The following CDC14B variants were observed in gnomAD, a reference collection of about 807,000 sequenced individuals.
CDC14B encodes the protein cell division cycle 14B.
In CDC14B, 22 loss-of-function variants were observed where a neutral mutation model predicts 64.2. That is an observed-to-expected ratio of 0.34 (90% CI 0.24 to 0.49). The LOEUF (loss-of-function observed/expected upper bound fraction) is 0.49, where lower values mean the gene tolerates loss of function less well. CDC14B is among the 20% of genes least tolerant of loss of function. The pLI is 0.99. For synonymous variants in CDC14B, 191 were observed against 215.8 expected (o/e 0.89, Z 1.01); for missense variants, 498 against 629.9 (o/e 0.79, Z 2.24).
At chr9:96,548,555 C>T (rs1174735755) in intron 5 of CDC14B, among the ~76,000 whole-genome samples, 1 of 151,924 alleles carries the variant, frequency 6.6e-6, no homozygotes, top group African/African-American at 2.4e-5. Context: ...AGTGGCTCAC[C>T]CCTGTAATCC....
chr9:96,536,977 C>T (rs1317226050), intron 7 of CDC14B, among the ~76,000 whole-genome samples: 1 of 152,136 alleles, frequency 6.6e-6, no homozygotes, highest in Non-Finnish European at 1.5e-5. Flanking sequence ...CTCTCCCTGG[C>T]CCTGTCCTAT....
intron 1 of CDC14B, chr9:96,566,909 C>T (rs548020631): frequency 6.5e-7 from 1 of 1,545,206 alleles, no homozygotes; most frequent in Non-Finnish European, 8.7e-7. Context: ...GTTTAAAAAA[C>T]AAAGTTTAAA....
At chr9:96,511,555 A>G (rs980158333) in intron 12 of CDC14B, among the ~76,000 whole-genome samples, 5 of 152,204 alleles carry the variant, frequency 3.3e-5, no homozygotes, top group South Asian at 2.1e-4. Flanking sequence ...TGGGCCAAAG[A>G]GCGAGACTCC....
chr9:96,608,651 T>C (rs1847119534), intron 1 of CDC14B, among the ~76,000 whole-genome samples: 1 of 152,190 alleles, frequency 6.6e-6, no homozygotes, highest in Non-Finnish European at 1.5e-5. Flanking sequence ...AATACTCAGC[T>C]TAAAGGTGCT....
At chr9:96,510,394 T>G (rs1226375972) in intron 12 of CDC14B, among the ~76,000 whole-genome samples, 2 of 152,138 alleles carry the variant, frequency 1.3e-5, no homozygotes, top group Admixed American at 1.3e-4. Context: ...AAAGCTTGCC[T>G]TAATTAAACT....
At chr9:96,607,084 A>T (rs540499448) in intron 1 of CDC14B, among the ~76,000 whole-genome samples, 5 of 136,186 alleles carry the variant, frequency 3.7e-5, no homozygotes, top group African/African-American at 6.8e-5. Context: ...AGCTTTGATT[A>T]AAAAAAACAA....
At chr9:96,524,093 A>T (rs1349231558) in intron 9 of CDC14B, among the ~76,000 whole-genome samples, 4 of 152,106 alleles carry the variant, frequency 2.6e-5, no homozygotes, top group African/African-American at 9.7e-5. Flanking sequence ...ATGTGCCACC[A>T]CAGCCGGCTA....
At chr9:96,506,038 G>A (rs1402402174) in intron 13 of CDC14B, among the ~76,000 whole-genome samples, 2 of 152,228 alleles carry the variant, frequency 1.3e-5, no homozygotes, top group Admixed American at 1.3e-4. Context: ...CGCAAAGCGA[G>A]TTTGGGTGGA....
chr9:96,590,473 G>C (rs1845717001), intron 1 of CDC14B, among the ~76,000 whole-genome samples: 1 of 152,132 alleles, frequency 6.6e-6, no homozygotes. Flanking sequence ...GTACCACTGG[G>C]CAATCCTGTT....
At chr9:96,576,101 C>T (rs1844786442) in intron 1 of CDC14B, among the ~76,000 whole-genome samples, 1 of 150,894 alleles carries the variant, frequency 6.6e-6, no homozygotes, top group African/African-American at 2.4e-5. Flanking sequence ...CATGGTGAAA[C>T]CTCGTCTAAA....
At chr9:96,616,248 C>G (rs1411755648) in intron 1 of CDC14B, among the ~76,000 whole-genome samples, 1 of 151,958 alleles carries the variant, frequency 6.6e-6, no homozygotes, top group Non-Finnish European at 1.5e-5. Context: ...ATTGCTTGAA[C>G]CCGGGAGGCA....
intron 1 of CDC14B, among the ~76,000 whole-genome samples, chr9:96,606,090 T>C (rs1480464734): frequency 1.3e-5 from 2 of 151,858 alleles, no homozygotes; most frequent in Non-Finnish European, 2.9e-5. Flanking sequence ...TCCCAGCACT[T>C]TGGGAGGCTC....
intron 8 of CDC14B, 96 bp downstream of exon 8, chr9:96,534,356 AATT>A: frequency 1.1e-6 from 1 of 886,266 alleles, no homozygotes; most frequent in Non-Finnish European, 1.8e-6. Context: ...CTTAAATAAT[AATT>A]AACACTTGGT....
At chr9:96,509,897 G>C in intron 12 of CDC14B, 108 bp from the exon 13 acceptor site, 1 of 679,076 alleles carries the variant, frequency 1.5e-6, no homozygotes, top group Non-Finnish European at 2.5e-6. Flanking sequence ...TGAGAATTGA[G>C]AGGATTTTCC....
At chr9:96,587,683 G>A (rs1292039535) in intron 1 of CDC14B, among the ~76,000 whole-genome samples, 1 of 152,190 alleles carries the variant, frequency 6.6e-6, no homozygotes. Flanking sequence ...TGATGACATA[G>A]GTCTTAGCAC....
intron 1 of CDC14B, among the ~76,000 whole-genome samples, chr9:96,609,038 T>C (rs1279517031): frequency 6.6e-6 from 1 of 152,120 alleles, no homozygotes; most frequent in Non-Finnish European, 1.5e-5. Flanking sequence ...AGTGGCACAA[T>C]CTCTGCTCAC....
At chr9:96,579,692 A>G (rs1845025633) in intron 1 of CDC14B, among the ~76,000 whole-genome samples, 1 of 152,126 alleles carries the variant, frequency 6.6e-6, no homozygotes, top group Non-Finnish European at 1.5e-5. Flanking sequence ...AGCCAAGGAC[A>G]GAGGCCTCAG....
rs548312816 is a variant in CDC14B at position 96,510,820 on chromosome 9, G to A, written c.1344-1031C>T. On this transcript the variant is annotated intron_variant, in intron 12 of 13. Coordinates refer to ENST00000375241, the MANE Select transcript of CDC14B (RefSeq NM_033331.4). Reference sequence around the variant, plus strand: ...GAGGCTTTGCCATGTTGGCCAAGCTGGTCTCGAACTCCTGATCTCAGGTGA... The same window carrying A: ...GAGGCTTTGCCATGTTGGCCAAGCTAGTCTCGAACTCCTGATCTCAGGTGA... Among the ~76,000 whole-genome samples the A allele has an allele frequency of 3.3e-5, 5 of 152,116 alleles. No homozygotes were observed. In the East Asian group the frequency reaches 7.8e-4, roughly 24 times the overall value.
Position 96,517,668 on chromosome 9 carries a change from G to GA in CDC14B, c.1343+4837dup, listed in dbSNP as rs1554741245. Among the ~76,000 whole-genome samples, 28 of 115,470 alleles carry GA rather than the reference G, an allele frequency of 2.4e-4. 1 individual carries two copies. The highest frequency in any genetic ancestry group is 6.7e-4 in the African/African-American group (18 of 26,896). 75.8% of individuals were successfully genotyped at this position (115,470 alleles called of 152,430 possible). A position where few individuals can be genotyped will look rare whatever the true frequency, so the allele number is the denominator to read the frequency against. Reference sequence around the variant, plus strand: ...CAAAAAAAAAAAAAAAAAAAAAGAAGAAGAAAGAAAGAAAGAAACAGGGGT... The same window carrying GA: ...CAAAAAAAAAAAAAAAAAAAAAGAAGAAAGAAAGAAAGAAAGAAACAGGGGT... On this transcript the variant is annotated intron_variant, in intron 12 of 13. Coordinates refer to ENST00000375241, the MANE Select transcript of CDC14B (RefSeq NM_033331.4).
Sources: allele counts gnomAD v4.1 joint callset (sites outside exome capture counted in the v4.1 genomes callset), GRCh38; gene constraint gnomAD v4.1.1; transcripts MANE v1.5; gene names NCBI Gene and HGNC (gene_info 2026-07-23, HGNC 2026-07-21).